Variants in TMEM154 observed in about 807,000 individuals in gnomAD.
TMEM154 encodes transmembrane protein 154.
A neutral mutation model predicts 24.5 loss-of-function variants in TMEM154; 27 were observed. The ratio of observed to expected loss-of-function variants is 1.10; its 90% CI spans 0.81 to 1.52. TMEM154 has a LOEUF of 1.52. Among genes scored for constraint, TMEM154 ranks in the 40% most tolerant of loss-of-function variants. The pLI is 0.00. For synonymous variants in TMEM154, 67 were observed against 76.8 expected (o/e 0.87, Z 0.67); for missense variants, 228 against 213.4 (o/e 1.07, Z -0.43).
At chr4:152,658,637 T>TTTTTAGCTTTACTAAAAATACAAAA (rs1728537756) in intron 1 of TMEM154, among the ~76,000 whole-genome samples, 1 of 151,774 alleles carries the variant, frequency 6.6e-6, no homozygotes, top group Non-Finnish European at 1.5e-5. Context: ...AAATACAAAA[T>TTTTTAGCTTTACTAAAAATACAAAA]TTTTAGCTTT....
chr4:152,628,834 G>A lies in TMEM154; in HGVS notation c.537-273C>T, dbSNP rs575060830. ...TGTATTTTTTTTTTTTTTAGTAGAG[G>A]CGGGGTTTCACCATGTTAGCCAGGA... On this transcript the variant is annotated intron_variant, in intron 6 of 6. Transcript: ENST00000304385. Among the ~76,000 whole-genome samples the A allele has an allele frequency of 3.3e-3, 489 of 150,260 alleles. 3 individuals are homozygous for A. Among genetic ancestry groups the A allele is most frequent in the African/African-American group, 8.7e-3 (359 of 41,038 alleles).
chr4:152,635,722 A>G (rs1752135803), intron 6 of TMEM154, among the ~76,000 whole-genome samples: 1 of 152,376 alleles, frequency 6.6e-6, no homozygotes. Context: ...TAGAATTATT[A>G]TAAGAACAGA....
intron 1 of TMEM154, among the ~76,000 whole-genome samples, chr4:152,673,274 A>C (rs890485131): frequency 4.0e-5 from 6 of 148,552 alleles, no homozygotes; most frequent in African/African-American, 1.5e-4. Flanking sequence ...TTTTTTTCCC[A>C]CCCCGCTTCT....
intron 1 of TMEM154, chr4:152,668,296 G>GAAA (rs33915702): frequency 3.6e-5 from 5 of 138,628 alleles, no homozygotes; most frequent in Non-Finnish European, 8.0e-5. Flanking sequence ...GCTTTGAAAT[G>GAAA]AAAAAAAAAA....
At chr4:152,635,948 G>C (rs752208357) in intron 6 of TMEM154, among the ~76,000 whole-genome samples, 3 of 152,160 alleles carry the variant, frequency 2.0e-5, no homozygotes, top group Non-Finnish European at 2.9e-5. Context: ...AAGAAGACAG[G>C]CATTTGGCTA....
chr4:152,628,565 TAAAAAAAAAAAAAAA>T lies in TMEM154; in HGVS notation c.537-19_537-5del. On this transcript the variant is annotated splice_region_variant and splice_polypyrimidine_tract_variant and intron_variant, in intron 6 of 6. Coordinates refer to ENST00000304385, the MANE Select transcript of TMEM154 (RefSeq NM_152680.3). ...TCAGGTTTAGGATTCACTGTCACTG[TAAAAAAAAAAAAAAA>T]AAAAAAAAAAAACAAAAAAAACACA... The T allele has an allele frequency of 1.9e-6, 1 of 518,478 alleles. No individual in the cohort carries two copies. The highest frequency in any genetic ancestry group is 2.4e-6 in the Non-Finnish European group (1 of 415,834). 32.1% of individuals were successfully genotyped at this position (518,478 alleles called of 1,614,324 possible).
At chr4:152,661,528 C>T (rs765194824) in intron 1 of TMEM154, among the ~76,000 whole-genome samples, 1 of 152,026 alleles carries the variant, frequency 6.6e-6, no homozygotes, top group Non-Finnish European at 1.5e-5. Flanking sequence ...GGGGTGCAAT[C>T]CTGTCATTTA....
rs1210752610 is a variant in TMEM154 at position 152,624,956 on chromosome 4, T to A, written c.*3590A>T. Reference sequence around the variant, plus strand: ...AATTTAATTCAGTATAAAATTTCCATGTTCTCCCACAAGGAGGATTTCAGC... The same window carrying A: ...AATTTAATTCAGTATAAAATTTCCAAGTTCTCCCACAAGGAGGATTTCAGC... On this transcript the variant is annotated 3_prime_UTR_variant, in exon 7 of 7. Coordinates refer to ENST00000304385, the MANE Select transcript of TMEM154 (RefSeq NM_152680.3). 2.0e-5 allele frequency: 3 copies of A among 152,216 alleles called. No homozygotes were observed. Among genetic ancestry groups the A allele is most frequent in the Admixed American group, 2.0e-4 (3 of 15,288 alleles). The allele number at this position is 152,216 out of a possible 1,614,324, so 9.4% of individuals were successfully genotyped here. A position where few individuals can be genotyped will look rare whatever the true frequency, so the allele number is the denominator to read the frequency against.
chr4:152,658,989 C>A (rs771609708), intron 1 of TMEM154, among the ~76,000 whole-genome samples: 3 of 152,120 alleles, frequency 2.0e-5, no homozygotes, highest in Admixed American at 2.0e-4. Flanking sequence ...AACTACCATA[C>A]AATCCTCAAT....
At chr4:152,628,600 A>AAAAAAAAAAC in intron 6 of TMEM154, 39 bp from the exon 7 acceptor site, 17 of 989,760 alleles carry the variant, frequency 1.7e-5, no homozygotes, top group South Asian at 7.9e-5. Context: ...AAACAAAAAA[A>AAAAAAAAAAC]ACACACACAC....
At chr4:152,671,663 C>T (rs1728840144) in intron 1 of TMEM154, among the ~76,000 whole-genome samples, 1 of 128,884 alleles carries the variant, frequency 7.8e-6, no homozygotes, top group African/African-American at 2.9e-5. Flanking sequence ...AGGAGAATGG[C>T]GTGAACCCGG....
At chr4:152,634,031 CAAAA>C (rs1167923301) in intron 6 of TMEM154, among the ~76,000 whole-genome samples, 4 of 20,412 alleles carry the variant, frequency 2.0e-4, no homozygotes, top group Non-Finnish European at 4.1e-4. Context: ...GACCCCATCT[CAAAA>C]AAAAAAAAAA....
intron 6 of TMEM154, among the ~76,000 whole-genome samples, chr4:152,629,673 T>G (rs1751995323): frequency 6.6e-6 from 1 of 152,194 alleles, no homozygotes; most frequent in African/African-American, 2.4e-5. Flanking sequence ...GATCGACAGA[T>G]CTGGTATCTC....
chr4:152,630,144 T>G (rs1401638195), intron 6 of TMEM154, among the ~76,000 whole-genome samples: 3 of 151,616 alleles, frequency 2.0e-5, no homozygotes, highest in East Asian at 3.9e-4. Context: ...TGAGACCCCA[T>G]CTCCATAAAA....
chr4:152,665,587 G>C (rs1164178352), intron 1 of TMEM154, among the ~76,000 whole-genome samples: 2 of 152,172 alleles, frequency 1.3e-5, no homozygotes, highest in Non-Finnish European at 2.9e-5. Context: ...ATGCATGCCA[G>C]GGTTTAAACC....
rs777960560 is a variant in TMEM154 at position 152,626,105 on chromosome 4, A to G, written c.*2441T>C. The G allele has an allele frequency of 3.9e-5, 6 of 152,622 alleles. No homozygotes were observed. Among genetic ancestry groups the G allele is most frequent in the Non-Finnish European group, 8.8e-5 (6 of 68,038 alleles). 9.5% of individuals were successfully genotyped at this position (152,622 alleles called of 1,614,324 possible). On this transcript the variant is annotated 3_prime_UTR_variant, in exon 7 of 7. Coordinates refer to ENST00000304385, the MANE Select transcript of TMEM154 (RefSeq NM_152680.3). ...GGAGGAGTCACACCATTGGGTCAAG[A>G]GTCATGAATGGGTATTTTTACATAT...
chr4:152,633,760 G>A (rs1232540376), intron 6 of TMEM154, among the ~76,000 whole-genome samples: 1 of 152,134 alleles, frequency 6.6e-6, no homozygotes, highest in East Asian at 1.9e-4. Context: ...GACCACTTGA[G>A]CCCATGAGTT....
chr4:152,628,344 A>T lies in TMEM154; in HGVS notation c.*202T>A. 2.3e-6 allele frequency: 2 copies of T among 884,592 alleles called. No individual in the cohort carries two copies. The highest frequency in any genetic ancestry group is 3.6e-6 in the Non-Finnish European group (2 of 561,462). 54.8% of individuals were successfully genotyped at this position (884,592 alleles called of 1,614,324 possible). ...ATGGATGGCAGCCAGGCCTTTTCCT[A>T]GTACTTCTCAATTGCACATTCTTCC... On this transcript the variant is annotated 3_prime_UTR_variant, in exon 7 of 7. Transcript: ENST00000304385.
chr4:152,650,112 G>C (rs1410895829), intron 3 of TMEM154, among the ~76,000 whole-genome samples: 2 of 152,130 alleles, frequency 1.3e-5, no homozygotes, highest in Non-Finnish European at 2.9e-5. Flanking sequence ...CTGATGGTTG[G>C]GAAGGCTGTG....
Sources: gnomAD v4.1 joint callset for allele counts (sites outside exome capture counted in the v4.1 genomes callset) on GRCh38, gnomAD v4.1.1 for gene constraint, MANE v1.5 for transcripts, NCBI Gene and HGNC (gene_info 2026-07-23, HGNC 2026-07-21) for gene names.